The following KCTD8 variants were observed in gnomAD, a reference collection of about 807,000 sequenced individuals.
KCTD8 encodes BTB/POZ domain-containing protein KCTD8.
KCTD8 carries 27 observed loss-of-function variants against 31.5 expected under a neutral mutation model. The ratio of observed to expected loss-of-function variants is 0.86; its 90% CI spans 0.63 to 1.18. The LOEUF is 1.18. Ranked by LOEUF, KCTD8 falls within the 50% of genes most tolerant of loss-of-function variation. The pLI is 0.00. For synonymous variants in KCTD8, 290 were observed against 280.0 expected (o/e 1.04, Z -0.36); for missense variants, 658 against 647.7 (o/e 1.02, Z -0.17).
chr4:44,383,653 C>T (rs901404382), intron 1 of KCTD8, among the ~76,000 whole-genome samples: 1 of 151,912 alleles, frequency 6.6e-6, no homozygotes, highest in Non-Finnish European at 1.5e-5. Context: ...CCTCTCACCA[C>T]ATTAAAAAAC....
chr4:44,356,087 C>A (rs1215430658), intron 1 of KCTD8, among the ~76,000 whole-genome samples: 1 of 152,120 alleles, frequency 6.6e-6, no homozygotes, highest in Non-Finnish European at 1.5e-5. Flanking sequence ...CAGGCTTTGC[C>A]CCTCATACTT....
intron 1 of KCTD8, among the ~76,000 whole-genome samples, chr4:44,395,465 T>A (rs1720478481): frequency 6.6e-6 from 1 of 152,058 alleles, no homozygotes; most frequent in African/African-American, 2.4e-5. Context: ...CTCATTAACA[T>A]CCTAAATCAC....
intron 1 of KCTD8, among the ~76,000 whole-genome samples, chr4:44,389,859 G>A (rs565339933): frequency 7.2e-5 from 11 of 151,768 alleles, no homozygotes; most frequent in Non-Finnish European, 1.2e-4. Flanking sequence ...ATACCAATTG[G>A]TTTTGATTTG....
intron 1 of KCTD8, among the ~76,000 whole-genome samples, chr4:44,223,769 A>G (rs551981156): frequency 3.3e-5 from 5 of 152,262 alleles, no homozygotes; most frequent in East Asian, 3.9e-4. Context: ...TTACTGCTAC[A>G]TGTAGAGCTG....
At chr4:44,359,038 G>C (rs1328147394) in intron 1 of KCTD8, among the ~76,000 whole-genome samples, 1 of 152,046 alleles carries the variant, frequency 6.6e-6, no homozygotes, top group Admixed American at 6.6e-5. Context: ...TTAAATTTAA[G>C]TTATTTGTAG....
At chr4:44,401,713 T>C (rs1720670124) in intron 1 of KCTD8, among the ~76,000 whole-genome samples, 1 of 152,194 alleles carries the variant, frequency 6.6e-6, no homozygotes, top group Non-Finnish European at 1.5e-5. Flanking sequence ...ACATGTAGAA[T>C]GTTCAACACA....
chr4:44,234,827 T>A (rs375817215), intron 1 of KCTD8, among the ~76,000 whole-genome samples: 1 of 152,184 alleles, frequency 6.6e-6, no homozygotes, highest in African/African-American at 2.4e-5. Flanking sequence ...ACTTAACTAC[T>A]GAAATTATCA....
chr4:44,433,083 T>C (rs967595506), intron 1 of KCTD8, among the ~76,000 whole-genome samples: 5 of 151,738 alleles, frequency 3.3e-5, no homozygotes, highest in Non-Finnish European at 5.9e-5. Flanking sequence ...AGCTTGCATA[T>C]GGAACATTTC....
chr4:44,376,933 T>G (rs1267036034), intron 1 of KCTD8, among the ~76,000 whole-genome samples: 1 of 152,130 alleles, frequency 6.6e-6, no homozygotes, highest in Non-Finnish European at 1.5e-5. Context: ...GTTGGTTGAG[T>G]ACATGGGATG....
At chr4:44,313,684 G>A (rs779756016) in intron 1 of KCTD8, among the ~76,000 whole-genome samples, 4 of 152,124 alleles carry the variant, frequency 2.6e-5, no homozygotes, top group African/African-American at 4.8e-5. Context: ...AGTATCTACA[G>A]TTTACCAGGC....
intron 1 of KCTD8, among the ~76,000 whole-genome samples, chr4:44,346,506 A>T (rs941738170): frequency 6.6e-6 from 1 of 152,194 alleles, no homozygotes; most frequent in African/African-American, 2.4e-5. Context: ...GCTCGATTAT[A>T]CAACTATACC....
chr4:44,375,616 T>A (rs541309881), intron 1 of KCTD8, among the ~76,000 whole-genome samples: 3 of 152,086 alleles, frequency 2.0e-5, no homozygotes, highest in Non-Finnish European at 4.4e-5. Flanking sequence ...GGATTACAGT[T>A]GTCTACCGAA....
At position 44,448,693 on chromosome 4, in the gene KCTD8, G is replaced by A. The variant is rs979692052; in HGVS notation, c.-170C>T. On this transcript the variant is annotated 5_prime_UTR_variant, in exon 1 of 2. Coordinates refer to ENST00000360029, the MANE Select transcript of KCTD8 (RefSeq NM_198353.3). The surrounding 1 kb of genome is among the most constrained non-coding windows in gnomAD (Gnocchi z 4.1). ...GGTTCGGGGCAGCGGCGGCGTCGGC[G>A]GCGCCCGAGCTCCATCGGAGGAGAG... The A allele has an allele frequency of 3.3e-6, 2 of 600,230 alleles. No homozygotes were observed. The highest frequency in any genetic ancestry group is 1.9e-5 in the African/African-American group (1 of 52,014). 37.2% of individuals were successfully genotyped at this position (600,230 alleles called of 1,614,324 possible). A position where few individuals can be genotyped will look rare whatever the true frequency, so the allele number is the denominator to read the frequency against.
intron 1 of KCTD8, among the ~76,000 whole-genome samples, chr4:44,439,914 T>G (rs1013453871): frequency 6.7e-6 from 1 of 149,422 alleles, no homozygotes; most frequent in African/African-American, 2.5e-5. Context: ...ATTTATTTAT[T>G]TATTTATTTA....
chr4:44,338,233 TACATCATTTTCATATTAAAGA>T (rs749939959), intron 1 of KCTD8, among the ~76,000 whole-genome samples: 9 of 152,284 alleles, frequency 5.9e-5, no homozygotes, highest in Middle Eastern at 3.4e-3. Flanking sequence ...ATAATGGAAA[TACATCATTTTCATATTAAAGA>T]ACATAAAAGT....
intron 1 of KCTD8, among the ~76,000 whole-genome samples, chr4:44,416,382 G>A (rs1721078463): frequency 6.6e-6 from 1 of 152,112 alleles, no homozygotes; most frequent in Non-Finnish European, 1.5e-5. Context: ...GACTATTAAG[G>A]GATTATTGTA....
intron 1 of KCTD8, among the ~76,000 whole-genome samples, chr4:44,274,730 C>T (rs973021387): frequency 6.6e-6 from 1 of 151,766 alleles, no homozygotes. Context: ...ATCCCTAATA[C>T]ATTTTATCAT....
chr4:44,388,905 ATGTGG>A (rs201634153), intron 1 of KCTD8, among the ~76,000 whole-genome samples: 8,854 of 151,920 alleles, frequency 0.058, 854 homozygotes, highest in African/African-American at 0.2. Context: ...AAAAAAGATA[ATGTGG>A]TACATATATA....
intron 1 of KCTD8, among the ~76,000 whole-genome samples, chr4:44,250,953 T>C (rs1715814008): frequency 6.6e-6 from 1 of 151,750 alleles, no homozygotes; most frequent in Admixed American, 6.6e-5. Flanking sequence ...TTTTCCTTCA[T>C]GGCTGCGTTT....
Sources: gnomAD v4.1 joint callset for allele counts (sites outside exome capture counted in the v4.1 genomes callset) on GRCh38, gnomAD v4.1.1 for gene constraint, Gnocchi (gnomAD v3.1) non-coding constraint, MANE v1.5 for transcripts, NCBI Gene and HGNC (gene_info 2026-07-23, HGNC 2026-07-21) for gene names.